LIMA1: variants seen among roughly 807,000 people sequenced by gnomAD.
The protein encoded by LIMA1 is LIM domain and actin-binding protein 1.
In LIMA1, 52 loss-of-function variants were observed where a neutral mutation model predicts 62.6. The observed-to-expected ratio is 0.83, with a 90% CI of 0.67 to 1.05. LIMA1 has a LOEUF of 1.05. LIMA1 is among the 50% of genes least tolerant of loss of function. LIMA1 has a pLI of 0.00. For missense variants in LIMA1, 780 were observed against 902.2 expected, an observed-to-expected ratio of 0.86 and a Z score of 1.74; for synonymous variants, 302 against 317.8, an observed-to-expected ratio of 0.95 and a Z score of 0.53.
chr12:50,178,316 G>A (rs1940401736), intron 10 of LIMA1, among the ~76,000 whole-genome samples: 1 of 152,128 alleles, frequency 6.6e-6, no homozygotes, highest in South Asian at 2.1e-4. Flanking sequence ...GGAGGCCAGG[G>A]TGAGAGGATC....
chr12:50,276,420 T>C (rs929709602), intron 1 of LIMA1, among the ~76,000 whole-genome samples: 40 of 152,146 alleles, frequency 2.6e-4, no homozygotes, highest in African/African-American at 7.5e-4. Context: ...GCATTAAACA[T>C]ATTGGTTTGG....
At chr12:50,185,598 C>T (rs1940612774) in intron 9 of LIMA1, 8 of 410,102 alleles carry the variant, frequency 2.0e-5, no homozygotes, top group South Asian at 1.2e-4. Context: ...CTCTGCTAAT[C>T]ATGGCAAAAT....
intron 7 of LIMA1, among the ~76,000 whole-genome samples, chr12:50,198,268 G>A (rs965850792): frequency 9.9e-5 from 15 of 152,098 alleles, no homozygotes; most frequent in African/African-American, 3.6e-4. Flanking sequence ...TTTGAGACAG[G>A]GTGCAGTGGT....
chr12:50,251,708 A>T (rs1941933549), intron 1 of LIMA1, among the ~76,000 whole-genome samples: 2 of 152,104 alleles, frequency 1.3e-5, no homozygotes, highest in African/African-American at 4.8e-5. Flanking sequence ...AAGAAAAAAA[A>T]GGTTAACTCC....
chr12:50,279,162 T>C (rs1942309382), intron 1 of LIMA1, among the ~76,000 whole-genome samples: 1 of 151,282 alleles, frequency 6.6e-6, no homozygotes. Context: ...TGCGCCACCA[T>C]GCCCAGCTAA....
intron 2 of LIMA1, among the ~76,000 whole-genome samples, chr12:50,235,302 G>A (rs897075735): frequency 2.2e-5 from 3 of 134,080 alleles, no homozygotes; most frequent in Admixed American, 7.9e-5. Flanking sequence ...TTTTTGAGAA[G>A]GAGTCCTGCT....
chr12:50,267,293 G>A (rs1369038331), intron 1 of LIMA1, among the ~76,000 whole-genome samples: 1 of 152,072 alleles, frequency 6.6e-6, no homozygotes, highest in African/African-American at 2.4e-5. Flanking sequence ...GGATGGTCTC[G>A]ATCTGCTGAC....
At chr12:50,211,534 A>G (rs1173953910) in intron 4 of LIMA1, among the ~76,000 whole-genome samples, 3 of 151,334 alleles carry the variant, frequency 2.0e-5, no homozygotes, top group Non-Finnish European at 4.4e-5. Context: ...CTGCAGTCCC[A>G]GCTACTCCGG....
intron 2 of LIMA1, 21 bp from the exon 3 acceptor site, chr12:50,231,731 G>A (rs930068507): frequency 1.2e-6 from 2 of 1,605,792 alleles, no homozygotes; most frequent in African/African-American, 2.7e-5. Flanking sequence ...GGGAAGGAAA[G>A]AATGTCTCAA....
chr12:50,214,733 G>A (rs1941315338), intron 4 of LIMA1, among the ~76,000 whole-genome samples: 2 of 152,252 alleles, frequency 1.3e-5, no homozygotes, highest in Non-Finnish European at 2.9e-5. Flanking sequence ...TTGAACCCGG[G>A]AGGTGGAGGT....
At chr12:50,193,997 A>ATTT (rs1445595389) in intron 8 of LIMA1, among the ~76,000 whole-genome samples, 18 of 140,348 alleles carry the variant, frequency 1.3e-4, no homozygotes, top group African/African-American at 4.5e-4. Context: ...ATATATATAT[A>ATTT]TTTTTTTTGA....
intron 1 of LIMA1, among the ~76,000 whole-genome samples, chr12:50,272,730 A>C (rs1942228612): frequency 6.6e-6 from 1 of 151,846 alleles, no homozygotes; most frequent in Admixed American, 6.6e-5. Flanking sequence ...ACTTATCTGG[A>C]CCAGTGCTAG....
At chr12:50,281,030 A>G (rs1942334166) in intron 1 of LIMA1, among the ~76,000 whole-genome samples, 1 of 152,240 alleles carries the variant, frequency 6.6e-6, no homozygotes, top group African/African-American at 2.4e-5. Flanking sequence ...CTAATAGTGT[A>G]TGGAATTAAG....
At chr12:50,220,760 AAAG>A (rs1730590979) in intron 4 of LIMA1, among the ~76,000 whole-genome samples, 3 of 152,258 alleles carry the variant, frequency 2.0e-5, no homozygotes, top group East Asian at 3.9e-4. Flanking sequence ...CATAAAGGGG[AAAG>A]AAGGAGTTGG....
At chr12:50,181,825 T>C (rs1300115423) in intron 10 of LIMA1, 79 bp downstream of exon 10, 1 of 1,478,692 alleles carries the variant, frequency 6.8e-7, no homozygotes, top group Non-Finnish European at 9.4e-7. Flanking sequence ...CAGTAGCTTT[T>C]AGCACCAGTG....
intron 10 of LIMA1, among the ~76,000 whole-genome samples, chr12:50,181,541 T>C (rs996024479): frequency 6.6e-6 from 1 of 152,244 alleles, no homozygotes; most frequent in African/African-American, 2.4e-5. Context: ...TTATCATTTA[T>C]ACAGTGGTTA....
rs557631620 is a variant in LIMA1 at position 50,177,908 on chromosome 12, G to A, written c.1436C>T (p.Ala479Val). The A allele has an allele frequency of 2.0e-5, 33 of 1,614,056 alleles. No individual in the cohort carries two copies. In the East Asian group the frequency reaches 6.9e-4, roughly 34 times the overall value. The change falls in exon 11 of 11, where the codon GCC (alanine) becomes GTC (valine). Residue 479 changes from alanine to valine, a missense_variant. Physicochemically the swap from Ala to Val is moderately conservative, Grantham distance 64. Transcript: ENST00000341247. ...NENEEILERP[A>V]QLANARETPH... Reference sequence around the variant, plus strand: ...GGTCTCCCTTGCATTTGCAAGCTGGGCTGGTCTCTCCAAAATCTCTTCGTT... The same window carrying A: ...GGTCTCCCTTGCATTTGCAAGCTGGACTGGTCTCTCCAAAATCTCTTCGTT...
At chr12:50,178,824 T>C (rs759759125) in intron 10 of LIMA1, among the ~76,000 whole-genome samples, 2 of 152,126 alleles carry the variant, frequency 1.3e-5, no homozygotes, top group Non-Finnish European at 2.9e-5. Context: ...CTAAAATTTC[T>C]GTGTAAGTGA....
intron 1 of LIMA1, among the ~76,000 whole-genome samples, chr12:50,262,867 A>G (rs769845307): frequency 3.3e-5 from 5 of 152,120 alleles, no homozygotes; most frequent in Admixed American, 6.6e-5. Flanking sequence ...TCTAAGAAAA[A>G]TGGAAAGACA....
Sources: gnomAD v4.1 joint callset for allele counts (sites outside exome capture counted in the v4.1 genomes callset) on GRCh38, gnomAD v4.1.1 for gene constraint, MANE v1.5 for transcripts, NCBI Gene and HGNC (gene_info 2026-07-23, HGNC 2026-07-21) for gene names.